FAM184A: variants seen among roughly 807,000 people sequenced by gnomAD.
The protein encoded by FAM184A is protein FAM184A.
FAM184A carries 99 observed loss-of-function variants against 143.8 expected under a neutral mutation model. The ratio of observed to expected loss-of-function variants is 0.69; its 90% CI spans 0.58 to 0.81. FAM184A has a LOEUF of 0.81. Ranked by LOEUF, FAM184A falls within the 40% of genes least tolerant of loss-of-function variation. FAM184A has a pLI of 0.00. For synonymous variants in FAM184A, 427 were observed against 446.4 expected (o/e 0.96, Z 0.55); for missense variants, 1,217 against 1,310.5 (o/e 0.93, Z 1.10).
chr6:119,027,167 G>A (rs1389492851), intron 1 of FAM184A, among the ~76,000 whole-genome samples: 2 of 151,698 alleles, frequency 1.3e-5, no homozygotes, highest in Non-Finnish European at 2.9e-5. Flanking sequence ...CCTCCCTCAC[G>A]CCCACCTAGA....
At chr6:119,100,157 G>A (rs1788603268) in intron 1 of FAM184A, among the ~76,000 whole-genome samples, 1 of 152,114 alleles carries the variant, frequency 6.6e-6, no homozygotes, top group Non-Finnish European at 1.5e-5. Context: ...GTGAGAGTAT[G>A]GTGGGAGAAA....
chr6:119,008,993 G>C (rs1785010463), intron 6 of FAM184A, among the ~76,000 whole-genome samples: 1 of 152,164 alleles, frequency 6.6e-6, no homozygotes, highest in Non-Finnish European at 1.5e-5. Context: ...TTGAGAGAAA[G>C]AGTAGGGTTA....
At chr6:119,010,215 A>C (rs61002217) in intron 6 of FAM184A, among the ~76,000 whole-genome samples, 1 of 152,332 alleles carries the variant, frequency 6.6e-6, no homozygotes, top group African/African-American at 2.4e-5. Context: ...TTTTGTCAAC[A>C]ATCCGTAGTT....
chr6:119,110,870 G>A (rs1348850098), intron 1 of FAM184A, among the ~76,000 whole-genome samples: 1 of 152,196 alleles, frequency 6.6e-6, no homozygotes, highest in Non-Finnish European at 1.5e-5. Context: ...ATTTAACGCA[G>A]TAAAAAACAG....
At chr6:119,041,299 A>G (rs548573003) in intron 1 of FAM184A, among the ~76,000 whole-genome samples, 1 of 152,274 alleles carries the variant, frequency 6.6e-6, no homozygotes, top group South Asian at 2.1e-4. Context: ...AGACAAGACT[A>G]GCTGGATTTC....
intron 1 of FAM184A, among the ~76,000 whole-genome samples, chr6:119,110,978 T>C (rs961107044): frequency 8.6e-5 from 11 of 128,168 alleles, no homozygotes; most frequent in Non-Finnish European, 1.2e-4. Flanking sequence ...GTAACTGAAG[T>C]GTGGCCCAGC....
chr6:119,024,869 C>G lies in FAM184A; in HGVS notation c.160-56G>C. On this transcript the variant is annotated intron_variant, in intron 1 of 17. Transcript: ENST00000338891. ...ATTGTGAATCCATATTATTTTCTAA[C>G]TTGAAGTCAATTCTTTCATTTGGAT... The G allele has an allele frequency of 5.5e-6, 8 of 1,442,610 alleles. No homozygotes were observed. In the South Asian group the frequency reaches 9.8e-5, roughly 18 times the overall value. The allele number at this position is 1,442,610 out of a possible 1,614,324, so 89.4% of individuals were successfully genotyped here. A position where few individuals can be genotyped will look rare whatever the true frequency, so the allele number is the denominator to read the frequency against.
At chr6:119,036,099 GA>G (rs2114718096) in intron 1 of FAM184A, among the ~76,000 whole-genome samples, 1 of 152,224 alleles carries the variant, frequency 6.6e-6, no homozygotes, top group Admixed American at 6.5e-5. Flanking sequence ...GGATCTACTA[GA>G]GAGATGCACT....
chr6:118,977,445 C>T (rs1783880232), intron 11 of FAM184A, among the ~76,000 whole-genome samples: 1 of 151,998 alleles, frequency 6.6e-6, no homozygotes. Flanking sequence ...CTGGGTGTGG[C>T]AGCACACACT....
At position 119,078,386 on chromosome 6, in the gene FAM184A, G is replaced by C; in HGVS notation, c.-87C>G. On this transcript the variant is annotated 5_prime_UTR_variant, in exon 1 of 18. Transcript: ENST00000338891. This position sits in a 1 kb window ranked among gnomAD's most constrained non-coding sequence, Gnocchi z 5.5. ...ACGACGCCCGGGAGGCAAGAGTCGC[G>C]GCGGCCGCTTCCCGACCCGACACCC... The C allele has an allele frequency of 7.6e-7, 1 of 1,308,444 alleles. No individual in the cohort carries two copies. The highest frequency in any genetic ancestry group is 9.9e-7 in the Non-Finnish European group (1 of 1,014,584). The allele number at this position is 1,308,444 out of a possible 1,614,324, so 81.1% of individuals were successfully genotyped here. A position where few individuals can be genotyped will look rare whatever the true frequency, so the allele number is the denominator to read the frequency against.
intron 1 of FAM184A, among the ~76,000 whole-genome samples, chr6:119,083,853 G>A (rs781460809): frequency 1.3e-5 from 2 of 152,080 alleles, no homozygotes; most frequent in Non-Finnish European, 2.9e-5. Context: ...TTCCAAAGTT[G>A]CTTCCACATT....
intron 1 of FAM184A, among the ~76,000 whole-genome samples, chr6:119,110,912 A>G (rs1788914146): frequency 6.6e-6 from 1 of 152,230 alleles, no homozygotes. Context: ...GGTCTAGTTC[A>G]TGAATATTTG....
intron 17 of FAM184A, 146 bp from the exon 18 acceptor site, chr6:118,960,330 T>C (rs1783280147): frequency 8.1e-6 from 5 of 618,188 alleles, no homozygotes; most frequent in Non-Finnish European, 1.4e-5. Context: ...ACCCCCTCTA[T>C]ACTAGAATCG....
chr6:119,116,344 G>C (rs1398995063), intron 1 of FAM184A, among the ~76,000 whole-genome samples: 2 of 152,062 alleles, frequency 1.3e-5, no homozygotes, highest in Non-Finnish European at 2.9e-5. Context: ...ATAGCCACTG[G>C]GGATCACTAG....
At chr6:119,089,926 T>C (rs1444474680) in intron 1 of FAM184A, among the ~76,000 whole-genome samples, 1 of 152,238 alleles carries the variant, frequency 6.6e-6, no homozygotes, top group Non-Finnish European at 1.5e-5. Context: ...ATTGAAAACC[T>C]TCTAAAATGT....
intron 1 of FAM184A, among the ~76,000 whole-genome samples, chr6:119,097,911 T>C (rs1788548788): frequency 2.0e-5 from 3 of 152,220 alleles, no homozygotes; most frequent in Non-Finnish European, 4.4e-5. Flanking sequence ...CTACATTGTC[T>C]GATTGTAGGT....
intron 1 of FAM184A, among the ~76,000 whole-genome samples, chr6:119,123,224 A>C (rs867365140): frequency 2.0e-5 from 3 of 152,024 alleles, no homozygotes; most frequent in Non-Finnish European, 4.4e-5. Context: ...CCCCATCTCT[A>C]CTAAAAATAT....
chr6:119,067,646 T>C (rs1312354696), intron 1 of FAM184A, among the ~76,000 whole-genome samples: 1 of 152,240 alleles, frequency 6.6e-6, no homozygotes, highest in Non-Finnish European at 1.5e-5. Context: ...CATTGATCAG[T>C]TGGTGAAAAT....
chr6:119,075,631 T>A (rs150836389), intron 1 of FAM184A, among the ~76,000 whole-genome samples: 19 of 152,352 alleles, frequency 1.2e-4, no homozygotes, highest in Non-Finnish European at 2.2e-4. Flanking sequence ...CAATTTTAAT[T>A]GTTACATTTA....
Sources: allele counts gnomAD v4.1 joint callset (sites outside exome capture counted in the v4.1 genomes callset), GRCh38; gene constraint gnomAD v4.1.1; non-coding constraint Gnocchi (gnomAD v3.1); transcripts MANE v1.5; gene names NCBI Gene and HGNC (gene_info 2026-07-23, HGNC 2026-07-21).